MYT1L: variants seen among roughly 807,000 people sequenced by gnomAD.
MYT1L encodes the protein myelin transcription factor 1-like protein.
Under a neutral mutation model 126.7 loss-of-function variants are expected in MYT1L, and 12 were observed. That is an observed-to-expected ratio of 0.09 (90% CI 0.06 to 0.15). The LOEUF (loss-of-function observed/expected upper bound fraction) is 0.15, where lower values mean the gene tolerates loss of function less well. MYT1L is among the 10% of genes least tolerant of loss of function. MYT1L has a pLI of 1.00. For missense variants in MYT1L, 979 were observed against 1,585.2 expected (o/e 0.62, Z 6.49); for synonymous variants, 541 against 604.2 (o/e 0.90, Z 1.53).
chr2:2,277,889 T>C (rs1041111788), intron 2 of MYT1L, among the ~76,000 whole-genome samples: 4 of 152,188 alleles, frequency 2.6e-5, no homozygotes, highest in Non-Finnish European at 2.9e-5. Context: ...CTATAGTATA[T>C]TCCTAGCAAA....
intron 8 of MYT1L, among the ~76,000 whole-genome samples, chr2:1,949,286 T>A (rs2057518424): frequency 6.6e-6 from 1 of 152,176 alleles, no homozygotes; most frequent in Non-Finnish European, 1.5e-5. Context: ...CATGCTGGAT[T>A]AGAAATGAGA....
At chr2:2,123,433 G>T (rs373023398) in intron 3 of MYT1L, among the ~76,000 whole-genome samples, 2 of 152,150 alleles carry the variant, frequency 1.3e-5, no homozygotes, top group African/African-American at 4.8e-5. Flanking sequence ...ATGTTCAATT[G>T]TCATGCCAAG....
intron 2 of MYT1L, among the ~76,000 whole-genome samples, chr2:2,218,583 G>A (rs2093759813): frequency 6.6e-6 from 1 of 152,144 alleles, no homozygotes; most frequent in South Asian, 2.1e-4. Context: ...ACTGGAGGGA[G>A]AGGCTACAAA....
At chr2:2,266,629 G>A (rs567157897) in intron 2 of MYT1L, among the ~76,000 whole-genome samples, 1 of 152,262 alleles carries the variant, frequency 6.6e-6, no homozygotes, top group East Asian at 1.9e-4. Flanking sequence ...GAGGGATAGT[G>A]ATGATATGGT....
chr2:2,150,024 C>A (rs1052919282), intron 3 of MYT1L, among the ~76,000 whole-genome samples: 11 of 152,172 alleles, frequency 7.2e-5, no homozygotes, highest in South Asian at 4.1e-4. Flanking sequence ...CTAAAAAGTG[C>A]TTTTCCTCTC....
chr2:2,132,601 G>A (rs541302194), intron 3 of MYT1L, among the ~76,000 whole-genome samples: 7 of 152,156 alleles, frequency 4.6e-5, no homozygotes, highest in African/African-American at 7.2e-5. Context: ...GAGGGAGAGC[G>A]TTAGAACAAA....
At chr2:1,956,529 CT>C (rs2058450804) in intron 8 of MYT1L, among the ~76,000 whole-genome samples, 1 of 145,584 alleles carries the variant, frequency 6.9e-6, no homozygotes, top group Non-Finnish European at 1.5e-5. Context: ...ATCTATCTAT[CT>C]ATCTATCTAT....
intron 8 of MYT1L, among the ~76,000 whole-genome samples, chr2:1,975,653 C>T (rs1380859190): frequency 6.6e-6 from 1 of 152,098 alleles, no homozygotes; most frequent in Non-Finnish European, 1.5e-5. Flanking sequence ...CACTTGAGGC[C>T]AGGAGTTCGA....
At chr2:1,815,627 G>C (rs1165246091) in intron 21 of MYT1L, among the ~76,000 whole-genome samples, 1 of 152,212 alleles carries the variant, frequency 6.6e-6, no homozygotes, top group Non-Finnish European at 1.5e-5. Flanking sequence ...TTCTGAGGAG[G>C]GAAGAGTGTG....
intron 21 of MYT1L, chr2:1,817,075 C>G (rs563568613): frequency 6.6e-6 from 1 of 152,358 alleles, no homozygotes; most frequent in East Asian, 1.9e-4. Flanking sequence ...CACTGGGGTA[C>G]TTGTCCACTC....
At chr2:2,126,687 C>T (rs1409272716) in intron 3 of MYT1L, among the ~76,000 whole-genome samples, 1 of 152,218 alleles carries the variant, frequency 6.6e-6, no homozygotes, top group African/African-American at 2.4e-5. Flanking sequence ...TGGCCTTCTC[C>T]TCTACTGGGC....
At chr2:2,024,197 G>A (rs2065306078) in intron 4 of MYT1L, among the ~76,000 whole-genome samples, 2 of 152,116 alleles carry the variant, frequency 1.3e-5, no homozygotes, top group Admixed American at 1.3e-4. Context: ...GATCCCTCTT[G>A]TAGGCGTCTT....
At chr2:2,306,614 A>G (rs769108645) in intron 1 of MYT1L, among the ~76,000 whole-genome samples, 2 of 152,120 alleles carry the variant, frequency 1.3e-5, no homozygotes, top group Non-Finnish European at 2.9e-5. Flanking sequence ...GATCAAAGAG[A>G]GGTGATCACC....
intron 4 of MYT1L, among the ~76,000 whole-genome samples, chr2:2,012,747 C>A (rs2063955178): frequency 6.6e-6 from 1 of 152,184 alleles, no homozygotes; most frequent in Admixed American, 6.5e-5. Context: ...GTGCGTCCGT[C>A]CACACCGCAC....
At position 1,922,785 on chromosome 2, in the gene MYT1L, C is replaced by T. The variant is rs757096802; in HGVS notation, c.984G>A (p.Glu328=). 6.2e-7 allele frequency: 1 copy of T among 1,614,008 alleles called. No individual in the cohort carries two copies. ...SDEEVCLSSL[E]CLRNQCFDLA... ...GGTCGAAGCACTGATTCCTCAAACA[C>T]TCCAGACTGCTCAGACACACCTCCT... The change falls in exon 10 of 25, where the codon GAG becomes GAA. Residue 328 remains glutamate (E), a synonymous_variant. Transcript: ENST00000647738. The surrounding 1 kb of genome is among the most constrained non-coding windows in gnomAD (Gnocchi z 7.4).
chr2:1,908,002 C>T (rs145672234), intron 13 of MYT1L, among the ~76,000 whole-genome samples: 6 of 152,358 alleles, frequency 3.9e-5, no homozygotes, highest in Non-Finnish European at 7.3e-5. Context: ...TGGGCTGGCC[C>T]GAGACCTCGC....
chr2:1,909,321 T>C (rs140923837), intron 13 of MYT1L, among the ~76,000 whole-genome samples: 1 of 152,212 alleles, frequency 6.6e-6, no homozygotes, highest in African/African-American at 2.4e-5. Flanking sequence ...CTCTCTTTAA[T>C]AGTAAAAGCA....
intron 4 of MYT1L, among the ~76,000 whole-genome samples, chr2:2,018,178 C>T (rs1315186654): frequency 6.6e-6 from 1 of 152,170 alleles, no homozygotes; most frequent in Non-Finnish European, 1.5e-5. Flanking sequence ...TTTGATTTTT[C>T]TTTCTCTTTT....
intron 3 of MYT1L, among the ~76,000 whole-genome samples, chr2:2,166,795 T>C (rs1262757268): frequency 6.6e-6 from 1 of 152,190 alleles, no homozygotes; most frequent in Non-Finnish European, 1.5e-5. Context: ...AACCCCCACA[T>C]AAAAACATTT....
Sources: allele counts gnomAD v4.1 joint callset (sites outside exome capture counted in the v4.1 genomes callset), GRCh38; gene constraint gnomAD v4.1.1; non-coding constraint Gnocchi (gnomAD v3.1); transcripts MANE v1.5; gene names NCBI Gene and HGNC (gene_info 2026-07-23, HGNC 2026-07-21).